The following NOL11 variants were observed in gnomAD, a reference collection of about 807,000 sequenced individuals.
NOL11 encodes nucleolar protein 11.
In NOL11, 42 loss-of-function variants were observed where a neutral mutation model predicts 93.0. The ratio of observed to expected loss-of-function variants is 0.45; its 90% CI spans 0.35 to 0.58. The LOEUF (loss-of-function observed/expected upper bound fraction) is 0.58. Ranked by LOEUF, NOL11 falls within the 20% of genes least tolerant of loss-of-function variation. NOL11 has a pLI of 0.00. For synonymous variants in NOL11, 296 were observed against 293.7 expected, an observed-to-expected ratio of 1.01 and a Z score of -0.08; for missense variants, 775 against 841.8, an observed-to-expected ratio of 0.92 and a Z score of 0.98.
intron 7 of NOL11, among the ~76,000 whole-genome samples, chr17:67,728,918 CATA>C (rs1163385901): frequency 6.6e-6 from 1 of 152,176 alleles, no homozygotes; most frequent in African/African-American, 2.4e-5. Flanking sequence ...ATTCATATAA[CATA>C]AAATTAATCG....
chr17:67,721,976 T>C (rs1353268599), intron 4 of NOL11, among the ~76,000 whole-genome samples: 1 of 152,240 alleles, frequency 6.6e-6, no homozygotes, highest in South Asian at 2.1e-4. Flanking sequence ...TGATACTCTT[T>C]ATTTCATCAC....
rs1434315712 is a variant in NOL11 at position 67,718,059 on chromosome 17, G to T, written c.112G>T (p.Asp38Tyr). The T allele has an allele frequency of 6.2e-7, 1 of 1,614,130 alleles. No individual in the cohort carries two copies. Among genetic ancestry groups the T allele is most frequent in the African/African-American group, 1.3e-5 (1 of 74,942 alleles). Reference sequence around the variant, plus strand: ...CAAAACAGACCAGTTTCTAGTGACAGACAGCGGCAGGACAGTCATCCTCTA... The same window carrying T: ...CAAAACAGACCAGTTTCTAGTGACATACAGCGGCAGGACAGTCATCCTCTA... ...SDKTDQFLVT[D>Y]SGRTVILYKV... The change falls in exon 1 of 18, where the codon GAC becomes TAC. Residue 38 changes from aspartate (D) to tyrosine (Y), a missense_variant. By Grantham distance (160) the Asp-to-Tyr change is radical. Transcript: ENST00000253247.
At chr17:67,726,703 C>A in intron 7 of NOL11, 55 bp downstream of exon 7, 1 of 1,264,962 alleles carries the variant, frequency 7.9e-7, no homozygotes, top group Non-Finnish European at 1.1e-6. Context: ...TCACGGTGTA[C>A]CTTTTAGTCT....
chr17:67,726,640 C>A lies in NOL11; in HGVS notation c.845C>A (p.Ala282Asp). Residue 282 changes from alanine to aspartate, a missense_variant, in exon 7 of 18, where the codon GCT (alanine) becomes GAT (aspartate). Ala to Asp is a moderately radical substitution (Grantham distance 126). Transcript: ENST00000253247. ...HVAVLGSPLAASKECLSVWNI... is the reference protein window; with the variant it reads ...HVAVLGSPLADSKECLSVWNI... ...GCAGTCCTAGGAAGTCCACTAGCAG[C>A]TTCTAAGGGTAACTGACATCCAATT... 1.3e-6 allele frequency: 2 copies of A among 1,591,328 alleles called. No individual in the cohort carries two copies. The highest frequency in any genetic ancestry group is 1.7e-6 in the Non-Finnish European group (2 of 1,170,658).
At chr17:67,737,171 AAAATC>A in intron 11 of NOL11, 26 bp downstream of exon 11, 1 of 1,394,246 alleles carries the variant, frequency 7.2e-7, no homozygotes, top group Non-Finnish European at 1.0e-6. Flanking sequence ...TGAAATATGA[AAAATC>A]AAACTCAAGT....
At chr17:67,740,337 C>T (rs1245710382) in intron 16 of NOL11, among the ~76,000 whole-genome samples, 2 of 151,100 alleles carry the variant, frequency 1.3e-5, no homozygotes, top group South Asian at 2.1e-4. Context: ...ATGCTGGGTG[C>T]GGTGGCTCAT....
rs551567167 is a variant in NOL11, at chr17:67,726,746, C to T, written c.853+98C>T. 5.2e-4 allele frequency: 445 copies of T among 862,312 alleles called. 1 individual carries two copies. The highest frequency in any genetic ancestry group is 3.2e-3 in the Middle Eastern group (12 of 3,790). The allele number at this position is 862,312 out of a possible 1,614,324, so 53.4% of individuals were successfully genotyped here. A position where few individuals can be genotyped will look rare whatever the true frequency, so the allele number is the denominator to read the frequency against. On this transcript the variant is annotated intron_variant, in intron 7 of 17. Coordinates refer to ENST00000253247, the MANE Select transcript of NOL11 (RefSeq NM_015462.5). ...CTTTTTCATTTCGTTATTACCCAGA[C>T]TAATTCATTCTCTTTATCAGCATAC...
In NOL11 at chr17:67,736,661, C is replaced by A. The variant is rs531479419; in HGVS notation, c.1055-5C>A. 6 of 1,592,646 alleles carry A rather than the reference C, an allele frequency of 3.8e-6. No homozygotes were observed. The highest frequency in any genetic ancestry group is 1.1e-5 in the South Asian group (1 of 88,320). On this transcript the variant is annotated splice_region_variant and splice_polypyrimidine_tract_variant and intron_variant, in intron 9 of 17. Coordinates refer to ENST00000253247, the MANE Select transcript of NOL11 (RefSeq NM_015462.5). Reference sequence around the variant, plus strand: ...CCAGAAATTGTGCATTTTGCATTTTCTTAGGAACTCATGTCGTGTCCCATT... The same window carrying A: ...CCAGAAATTGTGCATTTTGCATTTTATTAGGAACTCATGTCGTGTCCCATT...
chr17:67,720,307 T>G (rs553223058), intron 3 of NOL11: 1 of 155,564 alleles, frequency 6.4e-6, no homozygotes, highest in East Asian at 1.9e-4. Context: ...GTACTTTTTT[T>G]TTTTTTTTTT....
chr17:67,723,799 G>C (rs1215186194), intron 5 of NOL11, among the ~76,000 whole-genome samples: 1 of 151,874 alleles, frequency 6.6e-6, no homozygotes, highest in African/African-American at 2.4e-5. Context: ...CCAGATATTT[G>C]GGAGGCCGAG....
chr17:67,730,427 AT>A (rs2055143108), intron 7 of NOL11, among the ~76,000 whole-genome samples: 1 of 151,742 alleles, frequency 6.6e-6, no homozygotes, highest in Admixed American at 6.6e-5. Flanking sequence ...CACCCGGCTA[AT>A]TTTTTGTATT....
chr17:67,743,298 T>C (rs1375126957), intron 16 of NOL11, 181 bp from the exon 17 acceptor site: 1 of 412,882 alleles, frequency 2.4e-6, no homozygotes, highest in Non-Finnish European at 4.3e-6. Flanking sequence ...ATAAATTTTT[T>C]AAAAGCCAGA....
intron 7 of NOL11, among the ~76,000 whole-genome samples, chr17:67,734,050 T>TG (rs2055178681): frequency 6.6e-6 from 1 of 152,192 alleles, no homozygotes; most frequent in South Asian, 2.1e-4. Flanking sequence ...TGAAAGAGTT[T>TG]GGGAAGATTT....
chr17:67,733,021 A>G (rs79858781), intron 7 of NOL11, among the ~76,000 whole-genome samples: 3,804 of 152,206 alleles, frequency 0.025, 149 homozygotes, highest in African/African-American at 0.087. Context: ...CGAGATCTCT[A>G]TACAGGATCA....
chr17:67,730,397 A>G (rs1187383812), intron 7 of NOL11, among the ~76,000 whole-genome samples: 1 of 152,040 alleles, frequency 6.6e-6, no homozygotes, highest in Non-Finnish European at 1.5e-5. Context: ...AGTAGCTGGG[A>G]CTACAGGTGG....
chr17:67,740,232 C>G (rs752741527), intron 16 of NOL11, among the ~76,000 whole-genome samples: 11 of 146,814 alleles, frequency 7.5e-5, no homozygotes, highest in South Asian at 4.2e-4. Flanking sequence ...AAACTCTGTC[C>G]CAAAAAAAAA....
intron 7 of NOL11, among the ~76,000 whole-genome samples, chr17:67,728,577 C>CA (rs1467652173): frequency 1.3e-5 from 2 of 151,958 alleles, no homozygotes; most frequent in Middle Eastern, 3.2e-3. Flanking sequence ...ACCTCCCTGC[C>CA]AAAAAAACCC....
intron 8 of NOL11, 108 bp downstream of exon 8, chr17:67,734,547 C>T (rs1296357889): frequency 4.5e-6 from 3 of 670,068 alleles, no homozygotes; most frequent in African/African-American, 1.8e-5. Context: ...TGGTCTTTTA[C>T]TCTTGGGCTC....
chr17:67,739,281 G>T (rs1206825342), intron 15 of NOL11, among the ~76,000 whole-genome samples: 1 of 151,994 alleles, frequency 6.6e-6, no homozygotes, highest in Non-Finnish European at 1.5e-5. Context: ...CAGACAGAAG[G>T]GTTCTCTCTA....
Sources: allele counts gnomAD v4.1 joint callset (sites outside exome capture counted in the v4.1 genomes callset), GRCh38; gene constraint gnomAD v4.1.1; transcripts MANE v1.5; gene names NCBI Gene and HGNC (gene_info 2026-07-23, HGNC 2026-07-21).